SERAC1: variants seen among roughly 807,000 people sequenced by gnomAD.
SERAC1 encodes the protein protein SERAC1.
In SERAC1, 36 loss-of-function variants were observed where a neutral mutation model predicts 85.7. That is an observed-to-expected ratio of 0.42 (90% CI 0.32 to 0.55). SERAC1 has a LOEUF of 0.55. SERAC1 is among the 20% of genes least tolerant of loss of function. The probability of loss-of-function intolerance (pLI) is 0.11; values close to 1 mark genes in which losing one functional copy is unlikely to be tolerated. For synonymous variants in SERAC1, 242 were observed against 265.3 expected (o/e 0.91, Z 0.85); for missense variants, 629 against 796.2 (o/e 0.79, Z 2.53).
At chr6:158,151,720 C>G (rs1171449141) in intron 3 of SERAC1, among the ~76,000 whole-genome samples, 2 of 152,016 alleles carry the variant, frequency 1.3e-5, no homozygotes, top group Non-Finnish European at 2.9e-5. Flanking sequence ...CTGCCGCGCC[C>G]GGCCTCGAAA....
At chr6:158,160,290 T>C (rs1785458505) in intron 1 of SERAC1, among the ~76,000 whole-genome samples, 1 of 152,194 alleles carries the variant, frequency 6.6e-6, no homozygotes, top group African/African-American at 2.4e-5. Flanking sequence ...TGCTAGCAAT[T>C]TAACAATGAA....
At chr6:158,154,895 C>T (rs1418873852) in intron 3 of SERAC1, among the ~76,000 whole-genome samples, 1 of 150,450 alleles carries the variant, frequency 6.6e-6, no homozygotes, top group Non-Finnish European at 1.5e-5. Flanking sequence ...TTTAAGCGTG[C>T]CGGAGCTGAG....
rs1425439128 is a variant in SERAC1 at position 158,120,002 on chromosome 6, G to A, written c.1166+423C>T. 6.6e-6 allele frequency among the ~76,000 whole-genome samples: 1 copy of A among 152,096 alleles called. No homozygotes were observed. Among genetic ancestry groups the A allele is most frequent in the African/African-American group, 2.4e-5 (1 of 41,406 alleles). On this transcript the variant is annotated intron_variant, in intron 11 of 16. Transcript: ENST00000647468. The surrounding 1 kb of genome is among the most constrained non-coding windows in gnomAD (Gnocchi z 4.4). ...TTATAACTAGCATAAACTTTCTCCA[G>A]TCCCTTGAGTTCTAGGCCCAGGCTA...
intron 7 of SERAC1, among the ~76,000 whole-genome samples, chr6:158,143,830 A>T (rs1784988272): frequency 6.6e-6 from 1 of 152,090 alleles, no homozygotes; most frequent in Non-Finnish European, 1.5e-5. Context: ...TGCCCCAGAA[A>T]CATCTGGCAA....
chr6:158,150,555 G>T lies in SERAC1; in HGVS notation c.163C>A (p.Leu55Met). 6.2e-7 allele frequency: 1 copy of T among 1,601,408 alleles called. No individual in the cohort carries two copies. ...SLFLTYEVLA[L>M]KKAVTLDTQV... The stretch of plus-strand genomic sequence containing the variant: ...GTATCTAATGTCACAGCCTTCTTCA[G>T]GGCCAGAACTTCATATGTAAGAAAT... Residue 55 changes from leucine to methionine, a missense_variant, in exon 4 of 17, where the codon CTG (leucine) becomes ATG (methionine). Leu to Met is a conservative substitution (Grantham distance 15). Transcript: ENST00000647468.
chr6:158,113,589 G>GA lies in SERAC1; in HGVS notation c.1687dup (p.Ser563PhefsTer5), dbSNP rs759954693. 6.2e-7 allele frequency: 1 copy of GA among 1,612,852 alleles called. No individual in the cohort carries two copies. The highest frequency in any genetic ancestry group is 1.1e-5 in the South Asian group (1 of 90,910). On this transcript the variant is annotated frameshift_variant, in exon 16 of 17. Transcript: ENST00000647468. LOFTEE classifies it high-confidence loss of function. ...ATCTTGTAGTGTTTTAAGTGCAGGAGAATCTGTAAAATTATACAGAACAAG... is the reference window on the plus strand; with the variant it reads ...ATCTTGTAGTGTTTTAAGTGCAGGAGAAATCTGTAAAATTATACAGAACAAG...
At chr6:158,168,063 A>G (rs2128427325) in intron 1 of SERAC1, 77 bp downstream of exon 1, 1 of 147,972 alleles carries the variant, frequency 6.8e-6, no homozygotes, top group South Asian at 2.2e-4. Flanking sequence ...TGCCCTCCCC[A>G]TTCTCCGCTC....
rs562909845 is a variant in SERAC1 at position 158,126,863 on chromosome 6, C to T, written c.1015+1245G>A. Among the ~76,000 whole-genome samples the T allele has an allele frequency of 1.5e-3, 228 of 152,120 alleles. 6 individuals are homozygous for T. The South Asian group carries it at 0.045, about 30-fold the overall frequency. On this transcript the variant is annotated intron_variant, in intron 10 of 16. Coordinates refer to ENST00000647468, the MANE Select transcript of SERAC1 (RefSeq NM_032861.4). ...TCCAGGAGTTCGAGACCAACCTAGG[C>T]AACAAAGTAGGACCCCCGTCTCTAC...
chr6:158,143,148 C>G lies in SERAC1; in HGVS notation c.646G>C (p.Ala216Pro). Residue 216 changes from alanine (A) to proline (P), a missense_variant, in exon 8 of 17, where the codon GCT becomes CCT. Coordinates refer to ENST00000647468, the MANE Select transcript of SERAC1 (RefSeq NM_032861.4). The stretch of plus-strand genomic sequence containing the variant: ...TCTAGCTCTGTTTGAGGTAAGGAAG[C>G]CAGCAACTGTCTGAGCTCTTCTTCA... ...STEEELRQLL[A>P]SLPQTELDEC... The G allele has an allele frequency of 6.2e-7, 1 of 1,613,412 alleles. No homozygotes were observed.
intron 3 of SERAC1, among the ~76,000 whole-genome samples, chr6:158,154,159 CAAAAAAAAA>C (rs3041474): frequency 1.5e-5 from 1 of 66,056 alleles, no homozygotes; most frequent in Admixed American, 1.8e-4. Flanking sequence ...AACTCTGTCT[CAAAAAAAAA>C]AAAAAAAAAA....
chr6:158,129,943 G>A (rs539906087), intron 9 of SERAC1, among the ~76,000 whole-genome samples: 20 of 152,222 alleles, frequency 1.3e-4, no homozygotes, highest in African/African-American at 2.9e-4. Context: ...TGACCCACCC[G>A]CCTCAGCCTC....
intron 14 of SERAC1, 75 bp from the exon 15 acceptor site, chr6:158,115,046 C>A: frequency 6.9e-7 from 1 of 1,439,656 alleles, no homozygotes; most frequent in Non-Finnish European, 9.4e-7. Context: ...AAAGAAAAGG[C>A]CAAACAAGAA....
Position 158,117,434 on chromosome 6 carries a change from C to T in SERAC1, c.1403+293G>A. On this transcript the variant is annotated intron_variant, in intron 13 of 16. Coordinates refer to ENST00000647468, the MANE Select transcript of SERAC1 (RefSeq NM_032861.4). The surrounding 1 kb of genome is among the most constrained non-coding windows in gnomAD (Gnocchi z 4.3). Reference sequence around the variant, plus strand: ...CAAGAACAAAAAAACATCACTTTTACTTCTGATAGAAAAGGAGACTGCTAG... The same window carrying T: ...CAAGAACAAAAAAACATCACTTTTATTTCTGATAGAAAAGGAGACTGCTAG... 2 of 1,346,922 alleles carry T rather than the reference C, an allele frequency of 1.5e-6. No homozygotes were observed. Among genetic ancestry groups the T allele is most frequent in the Non-Finnish European group, 2.0e-6 (2 of 987,334 alleles). 83.4% of individuals were successfully genotyped at this position (1,346,922 alleles called of 1,614,324 possible). A position where few individuals can be genotyped will look rare whatever the true frequency, so the allele number is the denominator to read the frequency against.
chr6:158,118,993 C>T, intron 12 of SERAC1, 36 bp downstream of exon 12: 1 of 1,586,544 alleles, frequency 6.3e-7, no homozygotes, highest in African/African-American at 1.4e-5. Flanking sequence ...CAACCAGGGC[C>T]CCAGCAACCA....
rs753549449 is a variant in SERAC1 at position 158,143,203 on chromosome 6, A to G, written c.610-19T>C. On this transcript the variant is annotated intron_variant, in intron 7 of 16. Transcript: ENST00000647468. ...AAGAATCCTGAAATAAAAGGAAAGG[A>G]AATTCTTCATAAATACTCAACAACT... 1 of 1,608,742 alleles carries G rather than the reference A, an allele frequency of 6.2e-7. No individual in the cohort carries two copies. Among genetic ancestry groups the G allele is most frequent in the South Asian group, 1.1e-5 (1 of 89,852 alleles).
chr6:158,117,490 T>C lies in SERAC1; in HGVS notation c.1403+237A>G. ...CCACGATCCTTCACTATTAGAACAG[T>C]TGTAAATAAACCATGTTAGGAGCCC... On this transcript the variant is annotated intron_variant, in intron 13 of 16. Coordinates refer to ENST00000647468, the MANE Select transcript of SERAC1 (RefSeq NM_032861.4). The surrounding 1 kb of genome is among the most constrained non-coding windows in gnomAD (Gnocchi z 4.3). 2.6e-6 allele frequency: 4 copies of C among 1,547,856 alleles called. No individual in the cohort carries two copies. Among genetic ancestry groups the C allele is most frequent in the Middle Eastern group, 1.7e-4 (1 of 5,966 alleles).
intron 1 of SERAC1, among the ~76,000 whole-genome samples, chr6:158,164,629 A>G (rs1156386308): frequency 6.6e-6 from 1 of 152,206 alleles, no homozygotes; most frequent in Non-Finnish European, 1.5e-5. Flanking sequence ...TGAAAATTCC[A>G]TTAAGTTTAA....
chr6:158,153,103 T>C (rs1197184379), intron 3 of SERAC1, among the ~76,000 whole-genome samples: 1 of 152,232 alleles, frequency 6.6e-6, no homozygotes, highest in Non-Finnish European at 1.5e-5. Flanking sequence ...TATATGATTC[T>C]GATTTTTATT....
At chr6:158,160,913 T>C (rs1785473134) in intron 1 of SERAC1, 1 of 152,228 alleles carries the variant, frequency 6.6e-6, no homozygotes, top group African/African-American at 2.4e-5. Context: ...ACCAACATTT[T>C]GTCAGTTTCC....
Sources: gnomAD v4.1 joint callset for allele counts (sites outside exome capture counted in the v4.1 genomes callset) on GRCh38, gnomAD v4.1.1 for gene constraint, Gnocchi (gnomAD v3.1) non-coding constraint, MANE v1.5 for transcripts, NCBI Gene and HGNC (gene_info 2026-07-23, HGNC 2026-07-21) for gene names.